The following ATP13A5 variants were observed in gnomAD, a reference collection of about 807,000 sequenced individuals.
ATP13A5 encodes the protein ATPase 13A5.
A neutral mutation model predicts 150.2 loss-of-function variants in ATP13A5; 149 were observed. That is an observed-to-expected ratio of 0.99 (90% CI 0.87 to 1.14). ATP13A5 has a LOEUF of 1.14. ATP13A5 is among the 50% of genes most tolerant of loss of function. ATP13A5 has a pLI of 0.00. For synonymous variants in ATP13A5, 497 were observed against 522.2 expected, an observed-to-expected ratio of 0.95 and a Z score of 0.66; for missense variants, 1,383 against 1,449.3, an observed-to-expected ratio of 0.95 and a Z score of 0.74.
In ATP13A5 at chr3:193,335,079, T is replaced by TTG. The variant is rs770381628; in HGVS notation, c.962_963dup (p.Lys322GlnfsTer60). The stretch of plus-strand genomic sequence containing the variant: ...TTCTCCATCTGGGGCAATGGTGTCT[T>TTG]TGTAACAGGTATACTTTCTCCTAAA... On this transcript the variant is annotated frameshift_variant, in exon 10 of 30. Coordinates refer to ENST00000342358, the MANE Select transcript of ATP13A5 (RefSeq NM_198505.4). LOFTEE classifies it high-confidence loss of function. 3.1e-6 allele frequency: 5 copies of TTG among 1,613,804 alleles called. No homozygotes were observed. The highest frequency in any genetic ancestry group is 1.7e-6 in the Non-Finnish European group (2 of 1,179,736).
At chr3:193,318,548 C>A (rs1401949739) in intron 17 of ATP13A5, among the ~76,000 whole-genome samples, 1 of 152,156 alleles carries the variant, frequency 6.6e-6, no homozygotes, top group Non-Finnish European at 1.5e-5. Context: ...GTATTGAGCA[C>A]TGAAAAAACC....
At chr3:193,284,535 G>A (rs144825498) in intron 27 of ATP13A5, among the ~76,000 whole-genome samples, 8 of 152,228 alleles carry the variant, frequency 5.3e-5, no homozygotes, top group Non-Finnish European at 1.0e-4. Context: ...CCATTCTACC[G>A]ATGAGGAAAT....
At chr3:193,357,575 A>G (rs2108896561) in intron 5 of ATP13A5, among the ~76,000 whole-genome samples, 1 of 152,358 alleles carries the variant, frequency 6.6e-6, no homozygotes, top group South Asian at 2.1e-4. Flanking sequence ...AAGCTGGTTC[A>G]CATGAGGAAA....
At chr3:193,335,446 G>A (rs143638698) in intron 9 of ATP13A5, among the ~76,000 whole-genome samples, 6 of 152,272 alleles carry the variant, frequency 3.9e-5, no homozygotes, top group African/African-American at 1.2e-4. Flanking sequence ...TTTCCAGCAC[G>A]TGAATAGTAA....
In ATP13A5 at chr3:193,364,213, C is replaced by T. The variant is rs1183113946; in HGVS notation, c.131G>A (p.Cys44Tyr). 1 of 1,614,162 alleles carries T rather than the reference C, an allele frequency of 6.2e-7. No individual in the cohort carries two copies. ...AFCLVASVLT[C>Y]GGLLLVFYWR... ...GTAGAACACCAGCAGAAGGCCCCCACAGGTCAGCACGGATGCGACAAGGCA... is the reference window on the plus strand; with the variant it reads ...GTAGAACACCAGCAGAAGGCCCCCATAGGTCAGCACGGATGCGACAAGGCA... Residue 44 changes from cysteine (C) to tyrosine (Y), a missense_variant, in exon 2 of 30, where the codon TGT becomes TAT. By Grantham distance (194) the Cys-to-Tyr change is radical (BLOSUM62 -2). Coordinates refer to ENST00000342358, the MANE Select transcript of ATP13A5 (RefSeq NM_198505.4).
At chr3:193,348,116 T>C (rs1577363563) in intron 7 of ATP13A5, among the ~76,000 whole-genome samples, 1 of 152,098 alleles carries the variant, frequency 6.6e-6, no homozygotes, top group Non-Finnish European at 1.5e-5. Context: ...GCTCAGAAAA[T>C]CTGCAAACAC....
chr3:193,358,141 T>C (rs970516973), intron 5 of ATP13A5, among the ~76,000 whole-genome samples: 2 of 152,182 alleles, frequency 1.3e-5, no homozygotes, highest in Non-Finnish European at 2.9e-5. Flanking sequence ...CTGCTTCCAT[T>C]CTGATAAGTT....
intron 23 of ATP13A5, 27 bp from the exon 24 acceptor site, chr3:193,301,334 A>C: frequency 6.3e-7 from 1 of 1,575,188 alleles, no homozygotes; most frequent in Non-Finnish European, 8.7e-7. Flanking sequence ...AAAAATAAAA[A>C]TTGGTTATGT....
chr3:193,324,980 C>G lies in ATP13A5; in HGVS notation c.1558G>C (p.Ala520Pro). ...QEAHSFASGQ[A>P]VPWSPLCAAM... ...GCACACAGTGGGCTCCATGGCACAGCCTGGCCTGAGGCAAAGCTGTGGGCT... is the reference window on the plus strand; with the variant it reads ...GCACACAGTGGGCTCCATGGCACAGGCTGGCCTGAGGCAAAGCTGTGGGCT... The change falls in exon 14 of 30, where the codon GCT becomes CCT. Residue 520 changes from alanine (A) to proline (P), a missense_variant. Transcript: ENST00000342358. 1 of 1,613,802 alleles carries G rather than the reference C, an allele frequency of 6.2e-7. No homozygotes were observed. The highest frequency in any genetic ancestry group is 8.5e-7 in the Non-Finnish European group (1 of 1,179,870).
intron 5 of ATP13A5, among the ~76,000 whole-genome samples, chr3:193,356,445 C>T (rs1200780166): frequency 2.6e-5 from 4 of 151,962 alleles, no homozygotes; most frequent in Admixed American, 6.6e-5. Context: ...ATAAAACATA[C>T]CTAATAAAAT....
chr3:193,305,768 T>C, intron 22 of ATP13A5, 100 bp from the exon 23 acceptor site: 1 of 987,806 alleles, frequency 1.0e-6, no homozygotes, highest in Non-Finnish European at 1.6e-6. Context: ...GGTATAACAC[T>C]GTACTGTTTC....
intron 1 of ATP13A5, among the ~76,000 whole-genome samples, chr3:193,366,638 A>G (rs1215331654): frequency 6.6e-6 from 1 of 152,054 alleles, no homozygotes; most frequent in African/African-American, 2.4e-5. Context: ...ATCTACTCTC[A>G]TCATTGGAGA....
At chr3:193,335,333 T>C (rs1262998370) in intron 9 of ATP13A5, among the ~76,000 whole-genome samples, 1 of 152,158 alleles carries the variant, frequency 6.6e-6, no homozygotes, top group African/African-American at 2.4e-5. Flanking sequence ...CCTGCATGGT[T>C]TGTTGTCATA....
intron 17 of ATP13A5, among the ~76,000 whole-genome samples, chr3:193,317,701 A>C (rs937316859): frequency 6.6e-6 from 1 of 152,228 alleles, no homozygotes; most frequent in African/African-American, 2.4e-5. Context: ...AATAGTAACT[A>C]AATTCTAAGA....
In ATP13A5 at chr3:193,319,116, G is replaced by C; in HGVS notation, c.1916-8C>G. 6.8e-6 allele frequency: 11 copies of C among 1,607,404 alleles called. No individual in the cohort carries two copies. The highest frequency in any genetic ancestry group is 9.4e-6 in the Non-Finnish European group (11 of 1,174,228). ...GTGGGAAATTCTTGGGCACTGCCAG[G>C]GTAGAAGAAACAGGTAAGTGTAAGG... On this transcript the variant is annotated splice_polypyrimidine_tract_variant and splice_region_variant and intron_variant, in intron 16 of 29. Transcript: ENST00000342358.
intron 1 of ATP13A5, among the ~76,000 whole-genome samples, chr3:193,369,575 G>A (rs1283959738): frequency 2.0e-5 from 3 of 151,860 alleles, no homozygotes; most frequent in African/African-American, 7.2e-5. Flanking sequence ...CACGCCCCCA[G>A]TAAAATCCAC....
At chr3:193,349,815 C>T (rs1035121835) in intron 7 of ATP13A5, among the ~76,000 whole-genome samples, 3 of 152,080 alleles carry the variant, frequency 2.0e-5, no homozygotes, top group African/African-American at 7.2e-5. Flanking sequence ...AAAATTCTTT[C>T]ATTTGTGGAA....
chr3:193,337,520 T>A (rs545544175), intron 9 of ATP13A5, among the ~76,000 whole-genome samples: 82 of 152,342 alleles, frequency 5.4e-4, no homozygotes, highest in African/African-American at 2.0e-3. Context: ...CTTGTTTTTG[T>A]CAGGTTTGTC....
intron 12 of ATP13A5, among the ~76,000 whole-genome samples, chr3:193,330,437 C>CCCAG (rs1711588162): frequency 1.3e-5 from 2 of 152,232 alleles, no homozygotes; most frequent in Non-Finnish European, 2.9e-5. Context: ...ACAAAAGGGA[C>CCCAG]CCAGCCAGGC....
Sources: gnomAD v4.1 joint callset for allele counts (sites outside exome capture counted in the v4.1 genomes callset) on GRCh38, gnomAD v4.1.1 for gene constraint, MANE v1.5 for transcripts, NCBI Gene and HGNC (gene_info 2026-07-23, HGNC 2026-07-21) for gene names.